PAN3: variants seen among roughly 807,000 people sequenced by gnomAD.
PAN3 encodes PAN2-PAN3 deadenylation complex subunit PAN3.
A neutral mutation model predicts 96.2 loss-of-function variants in PAN3; 19 were observed. The observed-to-expected ratio is 0.20, with a 90% CI of 0.14 to 0.29. The LOEUF is 0.29. Among genes scored for constraint, PAN3 ranks in the 10% least tolerant of loss-of-function variants. PAN3 has a pLI of 1.00. For missense variants in PAN3, 882 were observed against 1,108.1 expected (o/e 0.80, Z 2.90); for synonymous variants, 433 against 406.6 (o/e 1.06, Z -0.78).
chr13:28,272,797 G>C (rs1886741009), intron 14 of PAN3, among the ~76,000 whole-genome samples: 1 of 152,112 alleles, frequency 6.6e-6, no homozygotes, highest in South Asian at 2.1e-4. Flanking sequence ...TTGAACTCCT[G>C]ACCTCAGGTG....
At chr13:28,189,893 A>T (rs190901047) in intron 4 of PAN3, among the ~76,000 whole-genome samples, 2 of 152,282 alleles carry the variant, frequency 1.3e-5, no homozygotes, top group East Asian at 3.9e-4. Flanking sequence ...TATATTTTCA[A>T]ACCTTTTCTT....
At chr13:28,163,702 G>A (rs560763228) in intron 1 of PAN3, among the ~76,000 whole-genome samples, 6 of 152,252 alleles carry the variant, frequency 3.9e-5, no homozygotes, top group African/African-American at 1.4e-4. Flanking sequence ...GTAAAGTGTG[G>A]GAGATTTTAA....
chr13:28,221,220 C>T (rs1200190917), intron 6 of PAN3, among the ~76,000 whole-genome samples: 1 of 152,014 alleles, frequency 6.6e-6, no homozygotes, highest in Non-Finnish European at 1.5e-5. Context: ...GTGGTATGCA[C>T]AATCACATTG....
In PAN3 at chr13:28,251,479, G is replaced by T. The variant is rs150721834; in HGVS notation, c.1001-4813G>T. On this transcript the variant is annotated intron_variant, in intron 6 of 18. Transcript: ENST00000380958. ...AGGTCGAGTATTGTGTTGATTTCTT[G>T]TCGGGATTCCTGTAACATGGAATCT... 6.9e-3 allele frequency among the ~76,000 whole-genome samples: 1,044 copies of T among 152,094 alleles called. 11 individuals are homozygous for T. Among genetic ancestry groups the T allele is most frequent in the African/African-American group, 0.024 (1,009 of 41,376 alleles).
chr13:28,194,730 A>T (rs988915536), intron 4 of PAN3, among the ~76,000 whole-genome samples: 9 of 151,920 alleles, frequency 5.9e-5, no homozygotes, highest in Non-Finnish European at 1.3e-4. Flanking sequence ...TCCGCCTCCC[A>T]ATGTGCTAGG....
In PAN3 at chr13:28,197,373, C is replaced by G. The variant is rs1184496755; in HGVS notation, c.852+27C>G. On this transcript the variant is annotated intron_variant, in intron 5 of 18. Coordinates refer to ENST00000380958, the MANE Select transcript of PAN3 (RefSeq NM_175854.8). ...TAAAAATAATTTTTATTAGACATTTCTTGAAAGTGAATGTCTTGGCTGCTT... is the reference window on the plus strand; with the variant it reads ...TAAAAATAATTTTTATTAGACATTTGTTGAAAGTGAATGTCTTGGCTGCTT... 7 of 1,537,852 alleles carry G rather than the reference C, an allele frequency of 4.6e-6. No homozygotes were observed. In the African/African-American group the frequency reaches 8.3e-5, roughly 18 times the overall value.
At chr13:28,207,378 A>C (rs1466570680) in intron 5 of PAN3, among the ~76,000 whole-genome samples, 2 of 152,030 alleles carry the variant, frequency 1.3e-5, no homozygotes, top group African/African-American at 4.8e-5. Flanking sequence ...TCCTGCTTCT[A>C]GTCTTCTTTT....
chr13:28,217,158 C>T (rs913980051), intron 5 of PAN3, among the ~76,000 whole-genome samples: 4 of 151,492 alleles, frequency 2.6e-5, no homozygotes, highest in South Asian at 2.1e-4. Flanking sequence ...TTTAAGCTAA[C>T]GGTCAGGATT....
chr13:28,200,103 A>G (rs1331673347), intron 5 of PAN3, among the ~76,000 whole-genome samples: 1 of 152,188 alleles, frequency 6.6e-6, no homozygotes, highest in Non-Finnish European at 1.5e-5. Flanking sequence ...ATTTGAGTCC[A>G]CTTTTGTCAG....
chr13:28,164,004 G>A (rs1873219258), intron 1 of PAN3, among the ~76,000 whole-genome samples: 1 of 152,024 alleles, frequency 6.6e-6, no homozygotes, highest in Admixed American at 6.6e-5. Context: ...GAGGTGGGAG[G>A]ATTTCCTCAG....
At chr13:28,217,177 A>T (rs1430992372) in intron 5 of PAN3, among the ~76,000 whole-genome samples, 2 of 152,000 alleles carry the variant, frequency 1.3e-5, no homozygotes, top group African/African-American at 2.4e-5. Context: ...TTCTTGATTT[A>T]TTATATTTGG....
intron 8 of PAN3, among the ~76,000 whole-genome samples, chr13:28,261,058 G>T (rs1885678509): frequency 6.6e-6 from 1 of 152,144 alleles, no homozygotes; most frequent in Non-Finnish European, 1.5e-5. Flanking sequence ...TCATAGAAGT[G>T]AGTTCTACCA....
Position 28,263,711 on chromosome 13 carries a change from G to C in PAN3, c.1411+2253G>C, listed in dbSNP as rs143775722. ...CACATTAAAAAGTCAACTTCAAATA[G>C]ATTAAGAACTTACATGTCTAAAACA... is the stretch of plus-strand genomic sequence containing the variant. On this transcript the variant is annotated intron_variant, in intron 9 of 18. Transcript: ENST00000380958. 1.8e-3 allele frequency among the ~76,000 whole-genome samples: 272 copies of C among 152,208 alleles called. 2 individuals carry two copies. The highest frequency in any genetic ancestry group is 6.2e-3 in the African/African-American group (257 of 41,530).
intron 1 of PAN3, among the ~76,000 whole-genome samples, chr13:28,156,597 ACT>A (rs1210325840): frequency 2.0e-5 from 3 of 152,184 alleles, no homozygotes; most frequent in Non-Finnish European, 4.4e-5. Context: ...CCTGGCAGAG[ACT>A]CAACAAAAAA....
In PAN3 at chr13:28,177,866, TC is replaced by T; in HGVS notation, c.623del (p.Pro208LeufsTer2). 6.2e-7 allele frequency: 1 copy of T among 1,612,418 alleles called. No homozygotes were observed. On this transcript the variant is annotated frameshift_variant and splice_region_variant, in exon 4 of 19. Transcript: ENST00000380958. LOFTEE classifies it high-confidence loss of function. The stretch of plus-strand genomic sequence containing the variant: ...AAACTTACGTAACTTACCTTTCAGA[TC>T]CTCTAACATCACCTGCTTCATCCTT... ...DSAKPYSAHD[P>X]LTSPASSLFN...
chr13:28,225,935 G>A (rs563909438), intron 6 of PAN3, among the ~76,000 whole-genome samples: 1 of 152,266 alleles, frequency 6.6e-6, no homozygotes, highest in East Asian at 1.9e-4. Flanking sequence ...TAAGTCATAA[G>A]GAATAGAACA....
intron 6 of PAN3, among the ~76,000 whole-genome samples, chr13:28,244,214 T>C (rs1409721573): frequency 2.0e-5 from 3 of 152,230 alleles, no homozygotes; most frequent in Non-Finnish European, 4.4e-5. Flanking sequence ...TTTTTTGTTC[T>C]GTAGCAATTT....
chr13:28,167,846 CAAAA>C (rs1394814442), intron 1 of PAN3, among the ~76,000 whole-genome samples: 1 of 152,044 alleles, frequency 6.6e-6, no homozygotes, highest in Non-Finnish European at 1.5e-5. Context: ...CTTCAAAAAA[CAAAA>C]CAAACAAACA....
chr13:28,155,441 T>G (rs1026199780), intron 1 of PAN3, among the ~76,000 whole-genome samples: 1 of 151,744 alleles, frequency 6.6e-6, no homozygotes, highest in South Asian at 2.1e-4. Flanking sequence ...ATACAAAAAT[T>G]TAGCCAGGTG....
Sources: gnomAD v4.1 joint callset for allele counts (sites outside exome capture counted in the v4.1 genomes callset) on GRCh38, gnomAD v4.1.1 for gene constraint, MANE v1.5 for transcripts, NCBI Gene and HGNC (gene_info 2026-07-23, HGNC 2026-07-21) for gene names.